Variants in SNX18 observed in about 807,000 individuals in gnomAD.
The protein encoded by SNX18 is sorting nexin-18.
Under a neutral mutation model 48.7 loss-of-function variants are expected in SNX18, and 35 were observed. The ratio of observed to expected loss-of-function variants is 0.72; its 90% CI spans 0.55 to 0.95. SNX18 has a LOEUF of 0.95. Among genes scored for constraint, SNX18 ranks in the 40% least tolerant of loss-of-function variants. The probability of loss-of-function intolerance (pLI) is 0.00; values close to 1 mark genes in which losing one functional copy is unlikely to be tolerated. For synonymous variants in SNX18, 492 were observed against 384.7 expected (o/e 1.28, Z -3.26); for missense variants, 824 against 871.0 (o/e 0.95, Z 0.68).
At chr5:54,632,350 G>T in the SNX18 span, among the ~76,000 whole-genome samples, 1 of 152,198 alleles carries the variant, frequency 6.6e-6, no homozygotes, top group Non-Finnish European at 1.5e-5. Context: ...GCAGATAACT[G>T]GCTCTTTCTG....
chr5:54,576,895 A>G, the SNX18 span, among the ~76,000 whole-genome samples: 1 of 152,126 alleles, frequency 6.6e-6, no homozygotes, highest in African/African-American at 2.4e-5. Context: ...TCTGCCTCCC[A>G]GGTTCCAGTC....
the SNX18 span, among the ~76,000 whole-genome samples, chr5:54,578,693 T>A: frequency 6.6e-6 from 1 of 152,142 alleles, no homozygotes; most frequent in Non-Finnish European, 1.5e-5. Flanking sequence ...TGGTTTCACA[T>A]GCTTTCTTGT....
the SNX18 span, among the ~76,000 whole-genome samples, chr5:54,586,657 C>T: frequency 2.0e-5 from 3 of 152,294 alleles, no homozygotes; most frequent in East Asian, 3.9e-4. Flanking sequence ...CATTCATGAG[C>T]GCGGAGCCCT....
chr5:54,604,551 T>C, the SNX18 span, among the ~76,000 whole-genome samples: 1 of 152,174 alleles, frequency 6.6e-6, no homozygotes, highest in Admixed American at 6.5e-5. Context: ...TGATATGAGG[T>C]AATTTGAATA....
chr5:54,598,752 T>C, the SNX18 span, among the ~76,000 whole-genome samples: 1 of 152,180 alleles, frequency 6.6e-6, no homozygotes, highest in Non-Finnish European at 1.5e-5. Context: ...AGGAGCCATT[T>C]ATGACAAACC....
At chr5:54,536,711 G>A (rs1762363674) in intron 1 of SNX18, among the ~76,000 whole-genome samples, 1 of 152,186 alleles carries the variant, frequency 6.6e-6, no homozygotes, top group Admixed American at 6.5e-5. Context: ...TGTCTTCATA[G>A]TAGCATGATT....
At chr5:54,588,306 C>CTTT in the SNX18 span, among the ~76,000 whole-genome samples, 1 of 73,918 alleles carries the variant, frequency 1.4e-5, no homozygotes, top group Non-Finnish European at 2.5e-5. Context: ...TATTTCTATT[C>CTTT]TTTTTTTTTT....
At chr5:54,581,070 C>A in the SNX18 span, among the ~76,000 whole-genome samples, 1 of 152,066 alleles carries the variant, frequency 6.6e-6, no homozygotes, top group Admixed American at 6.5e-5. Context: ...GACCCCTGGT[C>A]GCAAGGAAGC....
chr5:54,583,620 T>G, the SNX18 span, among the ~76,000 whole-genome samples: 2 of 152,220 alleles, frequency 1.3e-5, no homozygotes, highest in Non-Finnish European at 2.9e-5. Flanking sequence ...TACCAATGCT[T>G]AGCTTCCTTA....
the SNX18 span, among the ~76,000 whole-genome samples, chr5:54,597,557 A>T: frequency 6.6e-6 from 1 of 152,210 alleles, no homozygotes; most frequent in East Asian, 1.9e-4. Context: ...ACCACAGCAC[A>T]ATCAAATTAG....
chr5:54,558,261 A>G, the SNX18 span, among the ~76,000 whole-genome samples: 3 of 152,360 alleles, frequency 2.0e-5, no homozygotes, highest in African/African-American at 7.2e-5. Context: ...AAATGACTCA[A>G]GGGCACAATT....
At chr5:54,567,001 C>A in the SNX18 span, among the ~76,000 whole-genome samples, 9,458 of 152,246 alleles carry the variant, frequency 0.062, 389 homozygotes, top group Middle Eastern at 0.1. Context: ...TCCTGTCAGC[C>A]CTTAAGTGGA....
At chr5:54,624,706 C>A in the SNX18 span, among the ~76,000 whole-genome samples, 2 of 152,142 alleles carry the variant, frequency 1.3e-5, no homozygotes, top group Admixed American at 6.5e-5. Context: ...CCTGTTCAAT[C>A]GGGAAGGGAA....
chr5:54,609,874 G>A, the SNX18 span, among the ~76,000 whole-genome samples: 1 of 152,062 alleles, frequency 6.6e-6, no homozygotes, highest in Non-Finnish European at 1.5e-5. Context: ...CATGGGAGTA[G>A]ATTTCACATG....
chr5:54,596,496 G>A, the SNX18 span, among the ~76,000 whole-genome samples: 1 of 152,190 alleles, frequency 6.6e-6, no homozygotes, highest in East Asian at 1.9e-4. Context: ...GGGACAAGAA[G>A]GAAAGCACTC....
the SNX18 span, among the ~76,000 whole-genome samples, chr5:54,577,387 G>C: frequency 7.9e-6 from 1 of 126,642 alleles, no homozygotes; most frequent in Non-Finnish European, 1.6e-5. Context: ...AACTGCTCCA[G>C]CAGCTATTAG....
At chr5:54,566,101 G>A in the SNX18 span, among the ~76,000 whole-genome samples, 1 of 152,138 alleles carries the variant, frequency 6.6e-6, no homozygotes, top group Admixed American at 6.5e-5. Context: ...CCAAACTCAG[G>A]TGGTCCAATG....
rs755769428 is a variant in SNX18 at position 54,545,049 on chromosome 5, T to G, written c.*1617T>G. 2.1e-4 allele frequency: 32 copies of G among 152,194 alleles called. No homozygotes were observed. Among genetic ancestry groups the G allele is most frequent in the Admixed American group, 5.9e-4 (9 of 15,280 alleles). 9.4% of individuals were successfully genotyped at this position (152,194 alleles called of 1,614,324 possible). A position where few individuals can be genotyped will look rare whatever the true frequency, so the allele number is the denominator to read the frequency against. On this transcript the variant is annotated 3_prime_UTR_variant, in exon 2 of 2. Coordinates refer to ENST00000381410, the MANE Select transcript of SNX18 (RefSeq NM_001102575.2). ...TAATTACTGAACAGCACATTTTCTC[T>G]CTAAAAAGTAGTTTCATATGGGTTG...
intron 1 of SNX18, among the ~76,000 whole-genome samples, chr5:54,533,152 C>T (rs778600977): frequency 2.9e-4 from 44 of 151,952 alleles, no homozygotes; most frequent in Non-Finnish European, 5.6e-4. Flanking sequence ...GATCCTCTTC[C>T]CTCCTTTTCA....
Sources: allele counts gnomAD v4.1 joint callset (sites outside exome capture counted in the v4.1 genomes callset), GRCh38; gene constraint gnomAD v4.1.1; transcripts MANE v1.5; gene names NCBI Gene and HGNC (gene_info 2026-07-23, HGNC 2026-07-21).